RAB38: variants seen among roughly 807,000 people sequenced by gnomAD.
The protein encoded by RAB38 is RAB38, member RAS oncogene family, also known as ras-related protein Rab-38.
In RAB38, 15 loss-of-function variants were observed where a neutral mutation model predicts 18.4. The observed-to-expected ratio is 0.82, with a 90% CI of 0.55 to 1.26. The LOEUF (loss-of-function observed/expected upper bound fraction) is 1.26, where lower values mean the gene tolerates loss of function less well. RAB38 is among the 50% of genes most tolerant of loss of function. The probability of loss-of-function intolerance (pLI) is 0.00; values close to 1 mark genes in which losing one functional copy is unlikely to be tolerated. For synonymous variants in RAB38, 101 were observed against 104.4 expected (o/e 0.97, Z 0.20); for missense variants, 294 against 267.4 (o/e 1.10, Z -0.69).
At chr11:88,006,771 A>T in the RAB38 span, among the ~76,000 whole-genome samples, 1 of 151,440 alleles carries the variant, frequency 6.6e-6, no homozygotes, top group Admixed American at 6.6e-5. Flanking sequence ...ATATCACATG[A>T]TCTCAATAAT....
chr11:87,878,394 C>A, the RAB38 span, among the ~76,000 whole-genome samples: 1 of 150,444 alleles, frequency 6.6e-6, no homozygotes, highest in Non-Finnish European at 1.5e-5. Flanking sequence ...TAAATGAACT[C>A]AGTATTTTAC....
the RAB38 span, among the ~76,000 whole-genome samples, chr11:87,948,823 G>A: frequency 6.4e-4 from 97 of 151,976 alleles, no homozygotes; most frequent in African/African-American, 2.2e-3. Context: ...TTGCATCAAT[G>A]TTCATCAAGG....
At chr11:88,093,926 C>G in the RAB38 span, among the ~76,000 whole-genome samples, 1 of 151,908 alleles carries the variant, frequency 6.6e-6, no homozygotes, top group Admixed American at 6.6e-5. Flanking sequence ...TTCGAAAGGG[C>G]TCCTTGCTAA....
At chr11:87,915,134 A>G in the RAB38 span, among the ~76,000 whole-genome samples, 1 of 152,158 alleles carries the variant, frequency 6.6e-6, no homozygotes, top group Non-Finnish European at 1.5e-5. Flanking sequence ...TGTAACCCCA[A>G]ATGGAAAAGT....
At chr11:88,033,374 C>G in the RAB38 span, among the ~76,000 whole-genome samples, 517 of 123,950 alleles carry the variant, frequency 4.2e-3, 2 homozygotes, top group African/African-American at 0.013. Flanking sequence ...ACTTAAAGTA[C>G]AATAATAATA....
At chr11:87,885,252 C>T in the RAB38 span, among the ~76,000 whole-genome samples, 1 of 150,278 alleles carries the variant, frequency 6.7e-6, no homozygotes, top group Admixed American at 6.6e-5. Context: ...TCTGCTCTCT[C>T]TGCTTTGGAT....
the RAB38 span, among the ~76,000 whole-genome samples, chr11:87,826,101 AG>A: frequency 1.1e-4 from 17 of 152,218 alleles, no homozygotes; most frequent in South Asian, 3.3e-3. Flanking sequence ...AAATGGTAAA[AG>A]TGAGTGATAA....
intron 1 of RAB38, among the ~76,000 whole-genome samples, chr11:88,162,769 G>C (rs937368323): frequency 6.6e-6 from 1 of 151,996 alleles, no homozygotes; most frequent in Admixed American, 6.6e-5. Flanking sequence ...TTCTGAGGTC[G>C]CACTCTTAGA....
chr11:87,887,683 G>T, the RAB38 span, among the ~76,000 whole-genome samples: 1 of 151,912 alleles, frequency 6.6e-6, no homozygotes, highest in Non-Finnish European at 1.5e-5. Flanking sequence ...TCAAAAACAT[G>T]ATGTTATTCA....
At chr11:87,818,920 T>A in the RAB38 span, among the ~76,000 whole-genome samples, 24 of 152,326 alleles carry the variant, frequency 1.6e-4, no homozygotes, top group African/African-American at 5.8e-4. Flanking sequence ...CCATTCAATT[T>A]TCACAAGTTA....
At chr11:87,895,623 T>C in the RAB38 span, among the ~76,000 whole-genome samples, 1 of 151,686 alleles carries the variant, frequency 6.6e-6, no homozygotes, top group Admixed American at 6.6e-5. Flanking sequence ...AGAGTCTCTT[T>C]GGCTCCAAAG....
chr11:88,013,201 A>G, the RAB38 span, among the ~76,000 whole-genome samples: 1 of 134,896 alleles, frequency 7.4e-6, no homozygotes, highest in Non-Finnish European at 1.8e-5. Flanking sequence ...CTAATCTCAG[A>G]TACCTTGGAG....
At chr11:87,969,306 C>A in the RAB38 span, among the ~76,000 whole-genome samples, 2 of 152,076 alleles carry the variant, frequency 1.3e-5, no homozygotes, top group African/African-American at 4.8e-5. Context: ...CATATCCCCC[C>A]CCAATAGAGT....
At chr11:87,824,712 T>TG in the RAB38 span, among the ~76,000 whole-genome samples, 1 of 151,910 alleles carries the variant, frequency 6.6e-6, no homozygotes, top group Non-Finnish European at 1.5e-5. Flanking sequence ...AACAAATAGA[T>TG]GGAAAACAGG....
chr11:87,843,909 A>G, the RAB38 span, among the ~76,000 whole-genome samples: 1 of 152,296 alleles, frequency 6.6e-6, no homozygotes, highest in South Asian at 2.1e-4. Flanking sequence ...TGACTCCTTC[A>G]TTGCACTCAC....
the RAB38 span, among the ~76,000 whole-genome samples, chr11:87,931,723 G>A: frequency 6.6e-6 from 1 of 152,122 alleles, no homozygotes; most frequent in Admixed American, 6.6e-5. Flanking sequence ...AAATTAACAA[G>A]TGTATTAAGA....
chr11:87,923,421 A>C, the RAB38 span, among the ~76,000 whole-genome samples: 1 of 151,856 alleles, frequency 6.6e-6, no homozygotes, highest in Non-Finnish European at 1.5e-5. Context: ...ATTGGAAATA[A>C]TTTATTTATT....
chr11:88,128,272 T>A (rs1361640049), intron 2 of RAB38, among the ~76,000 whole-genome samples: 3 of 152,244 alleles, frequency 2.0e-5, no homozygotes, highest in African/African-American at 7.2e-5. Flanking sequence ...CCAGATAGAA[T>A]TGAAGGTGAC....
the RAB38 span, among the ~76,000 whole-genome samples, chr11:87,857,417 T>C: frequency 6.6e-6 from 1 of 152,202 alleles, no homozygotes; most frequent in Admixed American, 6.5e-5. Context: ...TTTCTAGTTC[T>C]AGATCCCTGA....
Sources: allele counts gnomAD v4.1 joint callset (sites outside exome capture counted in the v4.1 genomes callset), GRCh38; gene constraint gnomAD v4.1.1; transcripts MANE v1.5; gene names NCBI Gene and HGNC (gene_info 2026-07-23, HGNC 2026-07-21).